Variants in TMEM53 observed in about 807,000 individuals in gnomAD.
TMEM53 encodes the protein transmembrane protein 53.
In TMEM53, 14 loss-of-function variants were observed where a neutral mutation model predicts 21.4. That is an observed-to-expected ratio of 0.65 (90% CI 0.43 to 1.02). The LOEUF is 1.02. Among genes scored for constraint, TMEM53 ranks in the 50% least tolerant of loss-of-function variants. The pLI, the probability that TMEM53 is intolerant of heterozygous loss-of-function variation, is 0.00. For missense variants in TMEM53, 323 were observed against 383.6 expected (o/e 0.84, Z 1.32); for synonymous variants, 148 against 157.4 (o/e 0.94, Z 0.45).
At position 44,654,806 on chromosome 1, in the gene TMEM53, T is replaced by C. The variant is rs1193011691; in HGVS notation, c.587A>G (p.His196Arg). 11 of 1,613,332 alleles carry C rather than the reference T, an allele frequency of 6.8e-6. No individual in the cohort carries two copies. The highest frequency in any genetic ancestry group is 7.6e-6 in the Non-Finnish European group (9 of 1,179,958). ...CTGTAGCCTGTCATAGAAGTGGGTG[T>C]GGAAGAGGGCTGTGATGGGAGCAAG... ...VLLAPITALF[H>R]THFYDRLQDA... The change falls in exon 3 of 3, where the codon CAC (histidine) becomes CGC (arginine). Residue 196 changes from histidine to arginine, a missense_variant. Coordinates refer to ENST00000372237, the MANE Select transcript of TMEM53 (RefSeq NM_024587.4). This position sits in a 1 kb window ranked among gnomAD's most constrained non-coding sequence, Gnocchi z 7.0.
chr1:44,668,041 T>A (rs1042906516), intron 1 of TMEM53, among the ~76,000 whole-genome samples: 2 of 152,158 alleles, frequency 1.3e-5, no homozygotes, highest in African/African-American at 4.8e-5. Flanking sequence ...CAGGGGCATA[T>A]GGGGAAGACA....
At chr1:44,673,909 G>A (rs1645046938) in intron 1 of TMEM53, 19 of 985,366 alleles carry the variant, frequency 1.9e-5, no homozygotes, top group Non-Finnish European at 2.2e-5. Flanking sequence ...TGCGAGGATC[G>A]GTGACCCCGC....
intron 1 of TMEM53, chr1:44,674,046 A>C: frequency 1.0e-6 from 1 of 985,464 alleles, no homozygotes; most frequent in Non-Finnish European, 1.2e-6. Context: ...AAGTGATTAA[A>C]GGGCATGGAC....
chr1:44,654,274 A>C lies in TMEM53; in HGVS notation c.*285T>G. On this transcript the variant is annotated 3_prime_UTR_variant, in exon 3 of 3. Transcript: ENST00000372237. The surrounding 1 kb of genome is among the most constrained non-coding windows in gnomAD (Gnocchi z 7.0). The stretch of plus-strand genomic sequence containing the variant: ...TGTCAACCTCTACAGCCTGCATGCC[A>C]CAGGAATCAGCAGCCTGACTGTTGC... The C allele has an allele frequency of 2.4e-6, 1 of 416,140 alleles. No homozygotes were observed. The allele number at this position is 416,140 out of a possible 1,614,324, so 25.8% of individuals were successfully genotyped here.
chr1:44,673,961 G>A, intron 1 of TMEM53: 1 of 985,430 alleles, frequency 1.0e-6, no homozygotes, highest in East Asian at 1.1e-4. Context: ...ATAAGTGATA[G>A]GCTAGATGTG....
chr1:44,669,803 T>G (rs1644982965), intron 1 of TMEM53, among the ~76,000 whole-genome samples: 1 of 151,464 alleles, frequency 6.6e-6, no homozygotes, highest in African/African-American at 2.4e-5. Flanking sequence ...TCCTATTTTT[T>G]TTTTTTTTTT....
rs550423513 is a variant in TMEM53, at chr1:44,656,710, C to T, written c.184-1501G>A. 3.5e-5 allele frequency among the ~76,000 whole-genome samples: 5 copies of T among 144,678 alleles called. No individual in the cohort carries two copies. In the East Asian group the frequency reaches 9.7e-4, roughly 28 times the overall value. 94.9% of individuals were successfully genotyped at this position (144,678 alleles called of 152,430 possible). On this transcript the variant is annotated intron_variant, in intron 2 of 2. Transcript: ENST00000372237. The stretch of plus-strand genomic sequence containing the variant: ...CCTGGACGACATAGGGAGACCCCAT[C>T]TCTAAAAAAGAAAAAAAAAATGGTT...
intron 1 of TMEM53, among the ~76,000 whole-genome samples, chr1:44,662,461 C>A (rs565623086): frequency 1.2e-3 from 185 of 152,350 alleles, no homozygotes; most frequent in African/African-American, 4.2e-3. Flanking sequence ...ACTGGCCTTT[C>A]TGGTGGAGAG....
In TMEM53 at chr1:44,653,637, G is replaced by C. The variant is rs1184158865; in HGVS notation, c.*922C>G. ...CTACCTCAGACTCCCAGGCAATGGGGTCAGAGGAGCCTCTCTGAGTGAACT... is the reference window on the plus strand; with the variant it reads ...CTACCTCAGACTCCCAGGCAATGGGCTCAGAGGAGCCTCTCTGAGTGAACT... On this transcript the variant is annotated 3_prime_UTR_variant, in exon 3 of 3. Coordinates refer to ENST00000372237, the MANE Select transcript of TMEM53 (RefSeq NM_024587.4). 1 of 152,282 alleles carries C rather than the reference G, an allele frequency of 6.6e-6. No individual in the cohort carries two copies. Among genetic ancestry groups the C allele is most frequent in the Non-Finnish European group, 1.5e-5 (1 of 68,082 alleles). The allele number at this position is 152,282 out of a possible 1,614,324, so 9.4% of individuals were successfully genotyped here. A position where few individuals can be genotyped will look rare whatever the true frequency, so the allele number is the denominator to read the frequency against.
At position 44,655,080 on chromosome 1, in the gene TMEM53, C is replaced by T; in HGVS notation, c.313G>A (p.Glu105Lys). Residue 105 changes from glutamate (E) to lysine (K), a missense_variant, in exon 3 of 3, where the codon GAG (glutamate) becomes AAG (lysine). Physicochemically the swap from Glu to Lys is moderately conservative, Grantham distance 56. Around this residue, in one of 3 missense-constraint regions of TMEM53, gnomAD observed 269 missense variants for 334.5 expected, o/e 0.80. Transcript: ENST00000372237. The surrounding 1 kb of genome is among the most constrained non-coding windows in gnomAD (Gnocchi z 4.4). ...CTGAAGACATGGAAGAGCAGGGGCT[C>T]CTTCTCAATCTCATAATCAAAGAGC... Reference protein sequence around the residue: ...ELLFDYEIEKEPLLFHVFSNG... With the variant: ...ELLFDYEIEKKPLLFHVFSNG... 1.2e-6 allele frequency: 2 copies of T among 1,614,208 alleles called. No individual in the cohort carries two copies. Among genetic ancestry groups the T allele is most frequent in the Non-Finnish European group, 1.7e-6 (2 of 1,180,040 alleles).
At chr1:44,658,619 C>T (rs1169691659) in intron 2 of TMEM53, among the ~76,000 whole-genome samples, 1 of 152,128 alleles carries the variant, frequency 6.6e-6, no homozygotes, top group Non-Finnish European at 1.5e-5. Flanking sequence ...GGTGCGACTT[C>T]GGCTCACTGC....
At chr1:44,658,744 G>T (rs1264473116) in intron 2 of TMEM53, among the ~76,000 whole-genome samples, 3 of 152,100 alleles carry the variant, frequency 2.0e-5, no homozygotes, top group Non-Finnish European at 4.4e-5. Context: ...TAGAGATGGG[G>T]TTTCACCATG....
At chr1:44,671,928 CA>C (rs200919923) in intron 1 of TMEM53, among the ~76,000 whole-genome samples, 9 of 149,124 alleles carry the variant, frequency 6.0e-5, no homozygotes, top group African/African-American at 1.5e-4. Context: ...GACTCCACCT[CA>C]AAAAAAAAAG....
At chr1:44,664,467 AAATTGCAATACTCTTATGAGCAAG>A (rs1375550086) in intron 1 of TMEM53, among the ~76,000 whole-genome samples, 2 of 152,100 alleles carry the variant, frequency 1.3e-5, no homozygotes, top group Admixed American at 6.6e-5. Flanking sequence ...AAAAAAAAAA[AAATTGCAATACTCTTATGAGCAAG>A]AATTCTCATT....
At chr1:44,668,199 T>C (rs965578838) in intron 1 of TMEM53, among the ~76,000 whole-genome samples, 1 of 152,038 alleles carries the variant, frequency 6.6e-6, no homozygotes, top group Non-Finnish European at 1.5e-5. Flanking sequence ...TCCCAGCACT[T>C]TGGGAGGCCG....
rs35923018 is a variant in TMEM53, at chr1:44,669,797, ATT to A, written c.61+4532_61+4533del. On this transcript the variant is annotated intron_variant, in intron 1 of 2. Transcript: ENST00000372237. The stretch of plus-strand genomic sequence containing the variant: ...AGAGCAGACACTTAGAAAGCATCCT[ATT>A]TTTTTTTTTTTTTTTTGAGACGGAG... Among the ~76,000 whole-genome samples, 199 of 135,086 alleles carry A rather than the reference ATT, an allele frequency of 1.5e-3. 1 individual carries two copies. Among genetic ancestry groups the A allele is most frequent in the Non-Finnish European group, 1.2e-3 (74 of 62,934 alleles). The allele number at this position is 135,086 out of a possible 152,430, so 88.6% of individuals were successfully genotyped here.
intron 2 of TMEM53, among the ~76,000 whole-genome samples, chr1:44,659,767 C>A (rs955150922): frequency 1.3e-5 from 2 of 151,842 alleles, no homozygotes; most frequent in Admixed American, 1.3e-4. Flanking sequence ...CATCAGGAGA[C>A]CAAAGGGGTC....
At chr1:44,664,128 G>T (rs1448212448) in intron 1 of TMEM53, among the ~76,000 whole-genome samples, 1 of 149,512 alleles carries the variant, frequency 6.7e-6, no homozygotes, top group Non-Finnish European at 1.5e-5. Context: ...CTCCAGCCTG[G>T]GTGACAGAAT....
chr1:44,674,184 T>C, intron 1 of TMEM53, 147 bp downstream of exon 1: 1 of 1,346,540 alleles, frequency 7.4e-7, no homozygotes. Context: ...TCTCTGAGCC[T>C]CTCTAAGTCT....
Sources: gnomAD v4.1 joint callset for allele counts (sites outside exome capture counted in the v4.1 genomes callset) on GRCh38, gnomAD v4.1.1 for gene constraint, gnomAD v4.1.1 regional missense constraint, Gnocchi (gnomAD v3.1) non-coding constraint, MANE v1.5 for transcripts, NCBI Gene and HGNC (gene_info 2026-07-23, HGNC 2026-07-21) for gene names.